Variants in PSD3 observed in about 807,000 individuals in gnomAD.
PSD3 encodes pleckstrin and Sec7 domain containing 3, also known as PH and SEC7 domain-containing protein 3.
PSD3 carries 49 observed loss-of-function variants against 105.5 expected under a neutral mutation model. The ratio of observed to expected loss-of-function variants is 0.46; its 90% CI spans 0.37 to 0.59. The LOEUF is 0.59. PSD3 is among the 20% of genes least tolerant of loss of function. The probability of loss-of-function intolerance (pLI) is 0.00; values close to 1 mark genes in which losing one functional copy is unlikely to be tolerated. For missense variants in PSD3, 1,561 were observed against 1,263.8 expected (o/e 1.24, Z -3.57); for synonymous variants, 557 against 457.8 (o/e 1.22, Z -2.77).
At chr8:18,743,740 C>G (rs1169106383) in intron 9 of PSD3, among the ~76,000 whole-genome samples, 4 of 149,230 alleles carry the variant, frequency 2.7e-5, no homozygotes, top group Non-Finnish European at 3.0e-5. Context: ...AATTTGAGAC[C>G]AATCTGGGCA....
At chr8:18,745,883 G>C (rs956173628) in intron 9 of PSD3, among the ~76,000 whole-genome samples, 1 of 152,160 alleles carries the variant, frequency 6.6e-6, no homozygotes, top group African/African-American at 2.4e-5. Flanking sequence ...CTCCCATAGA[G>C]AGAAAACTGC....
At chr8:18,998,155 C>T (rs1215077018) in intron 1 of PSD3, among the ~76,000 whole-genome samples, 1 of 151,940 alleles carries the variant, frequency 6.6e-6, no homozygotes, top group African/African-American at 2.4e-5. Context: ...TGACCTATTA[C>T]AGTACGCCCT....
At chr8:18,809,002 C>A in intron 4 of PSD3, 1 of 1,172,236 alleles carries the variant, frequency 8.5e-7, no homozygotes, top group Non-Finnish European at 1.1e-6. Flanking sequence ...GCAGCCAGAA[C>A]ACAAGGGCCA....
chr8:18,627,653 C>A (rs992295394), intron 11 of PSD3, among the ~76,000 whole-genome samples: 2 of 151,938 alleles, frequency 1.3e-5, no homozygotes, highest in Non-Finnish European at 2.9e-5. Context: ...TAAAGGCAAG[C>A]GTCTAAAGAA....
intron 12 of PSD3, among the ~76,000 whole-genome samples, chr8:18,577,199 ATTTAAGGTAAAG>A (rs929661167): frequency 7.9e-5 from 12 of 151,924 alleles, no homozygotes; most frequent in Non-Finnish European, 1.8e-4. Flanking sequence ...TGCTTCTCAA[ATTTAAGGTAAAG>A]TTTTAGTTAT....
At chr8:18,544,832 C>T (rs1012878738) in intron 15 of PSD3, among the ~76,000 whole-genome samples, 18 of 152,100 alleles carry the variant, frequency 1.2e-4, no homozygotes, top group African/African-American at 4.1e-4. Flanking sequence ...GGACTCAGCT[C>T]TATCTTACTC....
At chr8:18,619,825 C>T in intron 11 of PSD3, among the ~76,000 whole-genome samples, 1 of 152,180 alleles carries the variant, frequency 6.6e-6, no homozygotes, top group South Asian at 2.1e-4. Flanking sequence ...AATATTTTAC[C>T]CCAAAATAAA....
At chr8:18,882,070 T>C (rs35176712) in intron 2 of PSD3, among the ~76,000 whole-genome samples, 19,145 of 151,828 alleles carry the variant, frequency 0.13, 1,276 homozygotes, top group South Asian at 0.2. Flanking sequence ...TAGCCAGGTG[T>C]GGTGGTGTGT....
intron 9 of PSD3, among the ~76,000 whole-genome samples, chr8:18,725,165 T>C (rs1182425079): frequency 6.6e-6 from 1 of 152,138 alleles, no homozygotes; most frequent in Non-Finnish European, 1.5e-5. Context: ...AAGCCTCTAC[T>C]CCAATCCACC....
chr8:18,968,131 G>C (rs1468653672), intron 1 of PSD3, among the ~76,000 whole-genome samples: 1 of 152,152 alleles, frequency 6.6e-6, no homozygotes, highest in Non-Finnish European at 1.5e-5. Flanking sequence ...GAAATTGCCA[G>C]AGAAGGAAAT....
At chr8:19,047,786 C>T (rs7833499) in intron 1 of PSD3, among the ~76,000 whole-genome samples, 36,979 of 151,934 alleles carry the variant, frequency 0.24, 5,608 homozygotes, top group Middle Eastern at 0.38. Flanking sequence ...AGAACAAGGA[C>T]GACAAGGTGT....
intron 4 of PSD3, among the ~76,000 whole-genome samples, chr8:18,838,037 T>A (rs1814270260): frequency 6.6e-6 from 1 of 152,194 alleles, no homozygotes; most frequent in South Asian, 2.1e-4. Flanking sequence ...CTAATTTCTC[T>A]ACTAAAGAAC....
intron 1 of PSD3, among the ~76,000 whole-genome samples, chr8:19,078,455 A>T (rs187251232): frequency 1.1e-4 from 17 of 152,258 alleles, no homozygotes; most frequent in Admixed American, 6.5e-5. Context: ...GCTCAGATAG[A>T]ATACTTAAAC....
intron 9 of PSD3, among the ~76,000 whole-genome samples, chr8:18,671,732 C>T (rs1345936017): frequency 2.6e-5 from 4 of 151,852 alleles, no homozygotes; most frequent in Non-Finnish European, 4.4e-5. Flanking sequence ...CCTGGGTTCA[C>T]GCCATTCTCC....
At chr8:18,661,694 C>T (rs773978281) in intron 9 of PSD3, among the ~76,000 whole-genome samples, 11 of 152,084 alleles carry the variant, frequency 7.2e-5, no homozygotes, top group Non-Finnish European at 1.2e-4. Flanking sequence ...AGGGTTATGA[C>T]TTTTTTTTCT....
At chr8:18,737,856 A>T (rs1484584712) in intron 9 of PSD3, among the ~76,000 whole-genome samples, 1 of 152,266 alleles carries the variant, frequency 6.6e-6, no homozygotes, top group Middle Eastern at 3.4e-3. Context: ...ATTTTGACCT[A>T]CTTGAGCCTG....
intron 2 of PSD3, among the ~76,000 whole-genome samples, chr8:18,888,647 T>C (rs899144214): frequency 1.3e-5 from 2 of 152,214 alleles, no homozygotes; most frequent in Non-Finnish European, 1.5e-5. Flanking sequence ...ACATTTTTTA[T>C]AAAACTACCC....
chr8:18,706,547 T>C (rs1013521555), intron 9 of PSD3, among the ~76,000 whole-genome samples: 2 of 152,196 alleles, frequency 1.3e-5, no homozygotes, highest in Non-Finnish European at 2.9e-5. Context: ...AAAAAAGCCA[T>C]ATAGAAGAGC....
chr8:19,025,355 A>C (rs1479411826), intron 1 of PSD3, among the ~76,000 whole-genome samples: 2 of 151,714 alleles, frequency 1.3e-5, no homozygotes, highest in African/African-American at 4.9e-5. Flanking sequence ...AAAGGTAGAA[A>C]CTCCAAACCC....
Sources: gnomAD v4.1 joint callset for allele counts (sites outside exome capture counted in the v4.1 genomes callset) on GRCh38, gnomAD v4.1.1 for gene constraint, MANE v1.5 for transcripts, NCBI Gene and HGNC (gene_info 2026-07-23, HGNC 2026-07-21) for gene names.